PPM1L: variants seen among roughly 807,000 people sequenced by gnomAD.
PPM1L encodes the protein protein phosphatase 1L.
In PPM1L, 13 loss-of-function variants were observed where a neutral mutation model predicts 31.4. That is an observed-to-expected ratio of 0.41 (90% CI 0.27 to 0.66). PPM1L has a LOEUF of 0.66. Among genes scored for constraint, PPM1L ranks in the 30% least tolerant of loss-of-function variants. PPM1L has a pLI of 0.29. For synonymous variants in PPM1L, 184 were observed against 175.4 expected (o/e 1.05, Z -0.39); for missense variants, 326 against 453.7 (o/e 0.72, Z 2.56).
chr3:161,020,584 C>T (rs1322129864), intron 2 of PPM1L, among the ~76,000 whole-genome samples: 3 of 152,128 alleles, frequency 2.0e-5, no homozygotes, highest in Non-Finnish European at 4.4e-5. Context: ...GTGCTCCTTC[C>T]TCTTGTATTT....
intron 2 of PPM1L, among the ~76,000 whole-genome samples, chr3:160,972,108 ATTAGT>A (rs1033046237): frequency 3.4e-4 from 51 of 152,112 alleles, no homozygotes; most frequent in Non-Finnish European, 6.0e-4. Flanking sequence ...ACTGATATTA[ATTAGT>A]TTATTTTAGT....
At chr3:160,838,053 A>T (rs1034804818) in intron 1 of PPM1L, among the ~76,000 whole-genome samples, 1 of 152,158 alleles carries the variant, frequency 6.6e-6, no homozygotes, top group Non-Finnish European at 1.5e-5. Flanking sequence ...GTAAGTTGCA[A>T]AAAAGGAAAA....
chr3:160,781,371 A>G (rs948716836), intron 1 of PPM1L, among the ~76,000 whole-genome samples: 2 of 152,214 alleles, frequency 1.3e-5, no homozygotes, highest in Non-Finnish European at 2.9e-5. Flanking sequence ...ACATTTAGAC[A>G]TGATAGGCTG....
At chr3:160,814,163 C>T (rs185074620) in intron 1 of PPM1L, among the ~76,000 whole-genome samples, 2 of 152,238 alleles carry the variant, frequency 1.3e-5, no homozygotes, top group East Asian at 3.9e-4. Flanking sequence ...TCTTTTCCCA[C>T]CTAACATCTC....
At chr3:160,862,705 A>ACGC (rs1560130395) in intron 1 of PPM1L, among the ~76,000 whole-genome samples, 4 of 84,026 alleles carry the variant, frequency 4.8e-5, no homozygotes, top group Admixed American at 2.4e-4. Context: ...CACACACACA[A>ACGC]AATTCTGAAA....
intron 1 of PPM1L, among the ~76,000 whole-genome samples, chr3:160,792,884 A>G (rs562531801): frequency 5.9e-5 from 9 of 152,328 alleles, no homozygotes; most frequent in Non-Finnish European, 1.2e-4. Context: ...TCAGGACACA[A>G]TCACTCTCCC....
intron 1 of PPM1L, among the ~76,000 whole-genome samples, chr3:160,861,967 A>G (rs140320184): frequency 2.9e-4 from 44 of 152,240 alleles, no homozygotes; most frequent in African/African-American, 9.9e-4. Context: ...ATACATTGGG[A>G]CCACCTAAGT....
At chr3:160,784,839 C>G (rs1711858273) in intron 1 of PPM1L, among the ~76,000 whole-genome samples, 1 of 152,064 alleles carries the variant, frequency 6.6e-6, no homozygotes, top group Non-Finnish European at 1.5e-5. Flanking sequence ...CCAGATAAAC[C>G]TTATTTAAGG....
rs909173276 is a variant in PPM1L, at chr3:161,000,109, G to A, written c.574+38199G>A. ...GAACAGGTGATGGCATAAAGGCCACGGAAAGGAACAGCTCTTTGCCATCAC... is the reference window on the plus strand; with the variant it reads ...GAACAGGTGATGGCATAAAGGCCACAGAAAGGAACAGCTCTTTGCCATCAC... On this transcript the variant is annotated intron_variant, in intron 2 of 3. Coordinates refer to ENST00000498165, the MANE Select transcript of PPM1L (RefSeq NM_139245.4). 4.6e-5 allele frequency among the ~76,000 whole-genome samples: 7 copies of A among 152,278 alleles called. No homozygotes were observed. In the East Asian group the frequency reaches 9.6e-4, roughly 21 times the overall value.
At chr3:160,997,523 C>T (rs530626785) in intron 2 of PPM1L, among the ~76,000 whole-genome samples, 2 of 152,042 alleles carry the variant, frequency 1.3e-5, no homozygotes, top group South Asian at 2.1e-4. Flanking sequence ...AATTTTTTTA[C>T]GAGACTCAGG....
At chr3:160,776,706 G>A (rs560405135) in intron 1 of PPM1L, among the ~76,000 whole-genome samples, 41 of 150,686 alleles carry the variant, frequency 2.7e-4, no homozygotes, top group African/African-American at 9.5e-4. Flanking sequence ...GGGTTCTAAC[G>A]ATTCTCCTGC....
intron 1 of PPM1L, among the ~76,000 whole-genome samples, chr3:160,850,318 T>C (rs557766538): frequency 6.6e-6 from 1 of 152,280 alleles, no homozygotes; most frequent in South Asian, 2.1e-4. Context: ...GCAAGAGCAG[T>C]TTCAGTACAC....
intron 1 of PPM1L, among the ~76,000 whole-genome samples, chr3:160,923,538 A>G (rs537052555): frequency 1.4e-4 from 22 of 152,302 alleles, no homozygotes; most frequent in African/African-American, 5.3e-4. Context: ...GGCTCAACCC[A>G]TGGCAACACT....
chr3:161,010,037 G>C (rs1167385129), intron 2 of PPM1L, among the ~76,000 whole-genome samples: 2 of 151,940 alleles, frequency 1.3e-5, no homozygotes, highest in Non-Finnish European at 1.5e-5. Context: ...AAGTTCTAGG[G>C]TACATGTGCA....
chr3:160,850,852 T>A (rs1195599720), intron 1 of PPM1L, among the ~76,000 whole-genome samples: 1 of 149,362 alleles, frequency 6.7e-6, no homozygotes, highest in Admixed American at 6.7e-5. Flanking sequence ...TATTTCACTT[T>A]AAGGATATTG....
intron 1 of PPM1L, among the ~76,000 whole-genome samples, chr3:160,920,132 A>T (rs1272520917): frequency 6.6e-6 from 1 of 152,114 alleles, no homozygotes; most frequent in Admixed American, 6.5e-5. Flanking sequence ...GGGAGCTCTC[A>T]AAAGTGTCTC....
chr3:160,919,726 A>C (rs1714322993), intron 1 of PPM1L, among the ~76,000 whole-genome samples: 1 of 152,194 alleles, frequency 6.6e-6, no homozygotes, highest in Non-Finnish European at 1.5e-5. Context: ...AGACTGAAGA[A>C]AAATATCCCC....
At chr3:160,956,487 T>G (rs1715779980) in intron 1 of PPM1L, among the ~76,000 whole-genome samples, 1 of 152,252 alleles carries the variant, frequency 6.6e-6, no homozygotes, top group Non-Finnish European at 1.5e-5. Flanking sequence ...CAAGGCAACC[T>G]TTAATTCAGG....
intron 1 of PPM1L, among the ~76,000 whole-genome samples, chr3:160,811,847 A>G (rs1215605357): frequency 6.6e-6 from 1 of 152,204 alleles, no homozygotes; most frequent in African/African-American, 2.4e-5. Flanking sequence ...AAAATAGTAG[A>G]CCACCTATAA....
Sources: gnomAD v4.1 joint callset for allele counts (sites outside exome capture counted in the v4.1 genomes callset) on GRCh38, gnomAD v4.1.1 for gene constraint, MANE v1.5 for transcripts, NCBI Gene and HGNC (gene_info 2026-07-23, HGNC 2026-07-21) for gene names.